PTCSC3: variants seen among roughly 807,000 people sequenced by gnomAD.
PTCSC3 encodes the protein papillary thyroid carcinoma susceptibility candidate 3 (non-protein coding).
chr14:36,154,917 T>A (rs1881797928), intron 2 of PTCSC3, among the ~76,000 whole-genome samples: 1 of 152,164 alleles, frequency 6.6e-6, no homozygotes, highest in South Asian at 2.1e-4. Context: ...AATGAAGGAA[T>A]TTTTTCTGTG....
At chr14:36,153,130 T>A (rs753366542) in intron 3 of PTCSC3, among the ~76,000 whole-genome samples, 7 of 152,198 alleles carry the variant, frequency 4.6e-5, no homozygotes, top group Non-Finnish European at 1.0e-4. Flanking sequence ...GATTTGCAGA[T>A]GGCTGTCTCC....
intron 2 of PTCSC3, among the ~76,000 whole-genome samples, chr14:36,160,565 G>T (rs1403597921): frequency 6.6e-6 from 1 of 152,210 alleles, no homozygotes; most frequent in South Asian, 2.1e-4. Flanking sequence ...CTCTCTTCTG[G>T]TTTGTAGGGT....
chr14:36,150,576 T>TCAA, intron 3 of PTCSC3, among the ~76,000 whole-genome samples: 1 of 152,230 alleles, frequency 6.6e-6, no homozygotes, highest in Admixed American at 6.5e-5. Flanking sequence ...CTGCCACATT[T>TCAA]TAAATTGTTT....
intron 1 of PTCSC3, among the ~76,000 whole-genome samples, chr14:36,163,202 A>C (rs1882008797): frequency 6.6e-6 from 1 of 152,150 alleles, no homozygotes; most frequent in Non-Finnish European, 1.5e-5. Context: ...GCAAGAGTCC[A>C]TCTCTAAAAA....
At chr14:36,152,762 C>T (rs770991374) in intron 3 of PTCSC3, among the ~76,000 whole-genome samples, 8 of 151,686 alleles carry the variant, frequency 5.3e-5, no homozygotes, top group Non-Finnish European at 7.4e-5. Flanking sequence ...GGCATGGTGG[C>T]GGGCACCTGT....
intron 2 of PTCSC3, among the ~76,000 whole-genome samples, chr14:36,154,889 G>A (rs886303544): frequency 7.9e-5 from 12 of 152,184 alleles, no homozygotes; most frequent in African/African-American, 2.4e-4. Flanking sequence ...GACCCAGTCT[G>A]AATACATTGA....
chr14:36,152,632 C>T (rs1881747521), intron 3 of PTCSC3, among the ~76,000 whole-genome samples: 1 of 152,156 alleles, frequency 6.6e-6, no homozygotes, highest in South Asian at 2.1e-4. Flanking sequence ...GTGGCTCACA[C>T]CTGTAATCTC....
intron 1 of PTCSC3, among the ~76,000 whole-genome samples, chr14:36,167,359 G>A (rs761463057): frequency 1.3e-5 from 2 of 152,054 alleles, no homozygotes; most frequent in African/African-American, 2.4e-5. Context: ...AACTTCTAGA[G>A]ATGCCATGGT....
intron 3 of PTCSC3, among the ~76,000 whole-genome samples, chr14:36,152,596 C>T (rs755455611): frequency 3.9e-4 from 60 of 152,032 alleles, no homozygotes; most frequent in African/African-American, 2.4e-4. Flanking sequence ...ATGAGAACTA[C>T]GACAACAACA....
chr14:36,173,375 C>G (rs1882223591), intron 1 of PTCSC3, among the ~76,000 whole-genome samples: 1 of 152,072 alleles, frequency 6.6e-6, no homozygotes, highest in South Asian at 2.1e-4. Flanking sequence ...GAATCATAGC[C>G]CTCTTTTGGA....
chr14:36,166,361 C>G (rs964661043), intron 1 of PTCSC3, among the ~76,000 whole-genome samples: 2 of 152,184 alleles, frequency 1.3e-5, no homozygotes, highest in African/African-American at 4.8e-5. Context: ...TAAATTAAGG[C>G]TCAACTACGT....
chr14:36,162,281 A>T (rs1317635984), intron 2 of PTCSC3, among the ~76,000 whole-genome samples: 1 of 120,650 alleles, frequency 8.3e-6, no homozygotes, highest in South Asian at 2.8e-4. Context: ...AAAAAAAAAA[A>T]AAAACTCCTG....
At chr14:36,149,578 C>A (rs1213223611) in intron 3 of PTCSC3, among the ~76,000 whole-genome samples, 1 of 152,168 alleles carries the variant, frequency 6.6e-6, no homozygotes, top group African/African-American at 2.4e-5. Flanking sequence ...ATAAAATCTC[C>A]AACTATAATT....
chr14:36,135,951 T>C (rs1881278028), downstream of PTCSC3, among the ~76,000 whole-genome samples: 2 of 151,586 alleles, frequency 1.3e-5, no homozygotes, highest in African/African-American at 4.9e-5. Flanking sequence ...ATTTATGTAT[T>C]AAGTATTAAC....
chr14:36,174,489 A>G (rs542882863), intron 1 of PTCSC3, among the ~76,000 whole-genome samples: 2 of 152,126 alleles, frequency 1.3e-5, no homozygotes, highest in Admixed American at 1.3e-4. Flanking sequence ...TGTGATTTTT[A>G]TTTGTATGTC....
chr14:36,147,848 A>C (rs10146606), intron 3 of PTCSC3, among the ~76,000 whole-genome samples: 15,211 of 150,602 alleles, frequency 0.1, 983 homozygotes, highest in Middle Eastern at 0.17. Flanking sequence ...TTGGTGTGGA[A>C]GTCCTTTCTG....
chr14:36,145,570 G>A (rs1881543295), intron 3 of PTCSC3, among the ~76,000 whole-genome samples: 1 of 134,172 alleles, frequency 7.5e-6, no homozygotes, highest in East Asian at 2.1e-4. Context: ...TATTAGTCTT[G>A]CTAGCGGTCT....
At chr14:36,143,985 T>C (rs933464623) in intron 3 of PTCSC3, among the ~76,000 whole-genome samples, 50 of 152,208 alleles carry the variant, frequency 3.3e-4, no homozygotes, top group Non-Finnish European at 6.5e-4. Flanking sequence ...GTGGCGTTAC[T>C]TCTGAGGGCT....
intron 1 of PTCSC3, among the ~76,000 whole-genome samples, chr14:36,167,831 AC>A (rs1201974286): frequency 6.6e-6 from 1 of 152,118 alleles, no homozygotes; most frequent in Non-Finnish European, 1.5e-5. Context: ...CATTTTAAGC[AC>A]TCTAAAATGT....
Sources: allele counts gnomAD v4.1 joint callset (sites outside exome capture counted in the v4.1 genomes callset), GRCh38; gene constraint gnomAD v4.1.1; transcripts MANE v1.5; gene names NCBI Gene and HGNC (gene_info 2026-07-23, HGNC 2026-07-21).